UNC13A: variants seen among roughly 807,000 people sequenced by gnomAD.
UNC13A encodes the protein protein unc-13 homolog A.
UNC13A carries 61 observed loss-of-function variants against 219.7 expected under a neutral mutation model. The observed-to-expected ratio is 0.28, with a 90% CI of 0.23 to 0.34. The LOEUF (loss-of-function observed/expected upper bound fraction) is 0.34, where lower values mean the gene tolerates loss of function less well. Ranked by LOEUF, UNC13A falls within the 10% of genes least tolerant of loss-of-function variation. UNC13A has a pLI of 1.00. For synonymous variants in UNC13A, 920 were observed against 884.6 expected (o/e 1.04, Z -0.71); for missense variants, 1,476 against 2,270.3 (o/e 0.65, Z 7.11).
chr19:17,645,880 C>A, intron 18 of UNC13A, 37 bp from the exon 19 acceptor site: 1 of 1,587,552 alleles, frequency 6.3e-7, no homozygotes, highest in Non-Finnish European at 8.6e-7. Context: ...AGGGGTCAGG[C>A]AGCCAGTGTG....
chr19:17,682,497 C>A (rs1421848531), intron 1 of UNC13A, among the ~76,000 whole-genome samples: 2 of 152,168 alleles, frequency 1.3e-5, no homozygotes, highest in African/African-American at 2.4e-5. Context: ...CTTATTGGCA[C>A]CTTGCAGAAG....
At chr19:17,639,689 C>G (rs2076947188) in intron 23 of UNC13A, 151 bp downstream of exon 23, 1 of 1,127,102 alleles carries the variant, frequency 8.9e-7, no homozygotes, top group Middle Eastern at 2.9e-4. Context: ...CACATTACGG[C>G]AGGTAGTGCC....
At chr19:17,683,089 G>A (rs1292184013) in intron 1 of UNC13A, among the ~76,000 whole-genome samples, 1 of 151,996 alleles carries the variant, frequency 6.6e-6, no homozygotes, top group East Asian at 1.9e-4. Flanking sequence ...ATAGAAAGAA[G>A]AAGGCAATCC....
Position 17,606,320 on chromosome 19 carries a change from C to T in UNC13A, c.4846G>A (p.Glu1616Lys). ...LSADAGPECY[E>K]LQVCVKDYCF... The stretch of plus-strand genomic sequence containing the variant: ...TAGTCCTTGACGCACACCTGCAGCT[C>T]ATAGCACTCGGGACCCGCGTCGGCG... Residue 1616 changes from glutamate (E) to lysine (K), a missense_variant, in exon 44 of 44, where the codon GAG becomes AAG. Physicochemically the swap from Glu to Lys is moderately conservative, Grantham distance 56 (BLOSUM62 1). Around this residue, in one of 14 missense-constraint regions of UNC13A, gnomAD observed 187 missense variants for 172.3 expected, o/e 1.09. Coordinates refer to ENST00000519716, the MANE Select transcript of UNC13A (RefSeq NM_001080421.3). 2 of 1,548,970 alleles carry T rather than the reference C, an allele frequency of 1.3e-6. No individual in the cohort carries two copies. The highest frequency in any genetic ancestry group is 1.7e-6 in the Non-Finnish European group (2 of 1,147,756).
intron 11 of UNC13A, among the ~76,000 whole-genome samples, chr19:17,655,040 G>A (rs1017500067): frequency 9.2e-5 from 14 of 152,166 alleles, no homozygotes; most frequent in African/African-American, 1.4e-4. Context: ...GTGGGGCATC[G>A]GTGACATTGG....
intron 17 of UNC13A, among the ~76,000 whole-genome samples, chr19:17,646,941 C>T (rs2077033632): frequency 6.6e-6 from 1 of 152,202 alleles, no homozygotes; most frequent in Non-Finnish European, 1.5e-5. Flanking sequence ...CTTCAGGACT[C>T]CTTCCATCCC....
intron 26 of UNC13A, among the ~76,000 whole-genome samples, chr19:17,634,100 G>T (rs571150265): frequency 2.8e-4 from 43 of 151,258 alleles, no homozygotes; most frequent in Non-Finnish European, 2.1e-4. Context: ...TGTCCATCCA[G>T]CCACCTACCC....
At chr19:17,669,286 G>C (rs755878933) in intron 5 of UNC13A, among the ~76,000 whole-genome samples, 1 of 152,164 alleles carries the variant, frequency 6.6e-6, no homozygotes, top group Non-Finnish European at 1.5e-5. Flanking sequence ...GAACAGCCAG[G>C]ATAGCTCAAC....
chr19:17,659,975 A>C (rs1273600186), intron 8 of UNC13A, among the ~76,000 whole-genome samples: 1 of 152,166 alleles, frequency 6.6e-6, no homozygotes, highest in African/African-American at 2.4e-5. Flanking sequence ...AACTCACTGA[A>C]ACCTCGACCT....
chr19:17,641,149 G>T (rs949604702), intron 21 of UNC13A, among the ~76,000 whole-genome samples: 1 of 151,976 alleles, frequency 6.6e-6, no homozygotes, highest in African/African-American at 2.4e-5. Context: ...TAAAATGCTG[G>T]GATTACAGGC....
At position 17,669,624 on chromosome 19, in the gene UNC13A, C is replaced by T. The variant is rs554232319; in HGVS notation, c.323G>A (p.Ser108Asn). 4 of 1,613,286 alleles carry T rather than the reference C, an allele frequency of 2.5e-6. No homozygotes were observed. In the South Asian group the frequency reaches 3.3e-5, roughly 13 times the overall value. ...TLDSQVIMAD[S>N]EICGTKDPTF... is the part of the protein sequence containing the mutation. The stretch of plus-strand genomic sequence containing the variant: ...GGGGTCCTTGGTGCCACAGATCTCA[C>T]TGTCTGCCATGATGACCTGGGAGTC... The change falls in exon 5 of 44, where the codon AGT becomes AAT. Residue 108 changes from serine (S) to asparagine (N), a missense_variant. By Grantham distance (46) the Ser-to-Asn change is conservative. Transcript: ENST00000519716.
rs1030895746 is a variant in UNC13A at position 17,668,170 on chromosome 19, G to A, written c.415C>T (p.Arg139Cys). The change falls in exon 6 of 44, where the codon CGC becomes TGC. Residue 139 changes from arginine (R) to cysteine (C), a missense_variant. Arg to Cys is a radical substitution (Grantham distance 180). Coordinates refer to ENST00000519716, the MANE Select transcript of UNC13A (RefSeq NM_001080421.3). ...TGCTCCAGCTTCTTGGCCCAGTAGC[G>A]AGCCTCCTCTTCAGGAATGTCTGCA... The part of the protein sequence containing the change: ...LPLDIPEEEA[R>C]YWAKKLEQLN... The A allele has an allele frequency of 1.4e-5, 23 of 1,613,632 alleles. No homozygotes were observed. The highest frequency in any genetic ancestry group is 1.3e-4 in the East Asian group (6 of 44,868).
chr19:17,640,544 A>T lies in UNC13A; in HGVS notation c.2754T>A (p.Ser918=), dbSNP rs2076957495. 3 of 1,554,176 alleles carry T rather than the reference A, an allele frequency of 1.9e-6. No homozygotes were observed. Among genetic ancestry groups the T allele is most frequent in the Non-Finnish European group, 1.7e-6 (2 of 1,149,442 alleles). Residue 918 remains serine, a synonymous_variant, in exon 22 of 44, where the codon TCT becomes TCA. Transcript: ENST00000519716. ...YAHTTASTNV[S]ASDRFAASNF... Reference sequence around the variant, plus strand: ...TGGAGGCGGCGAAGCGGTCGGAGGCAGACACGTTGGTGGAGGCGGTGGTGT... The same window carrying T: ...TGGAGGCGGCGAAGCGGTCGGAGGCTGACACGTTGGTGGAGGCGGTGGTGT...
intron 8 of UNC13A, among the ~76,000 whole-genome samples, chr19:17,662,339 G>A (rs2079565435): frequency 6.6e-6 from 1 of 152,008 alleles, no homozygotes; most frequent in Admixed American, 6.6e-5. Flanking sequence ...AGAATCTAAT[G>A]CCTGATGATC....
Position 17,618,420 on chromosome 19 carries a change from C to T in UNC13A, c.4410+1G>A. 6.3e-7 allele frequency: 1 copy of T among 1,575,292 alleles called. No individual in the cohort carries two copies. ...GGATGGGGAGGGGTAGGGCCTCTCA[C>T]CTTGATGGTGTCCAGGGCCAACTCA... is the stretch of plus-strand genomic sequence containing the variant. On this transcript the variant is annotated splice_donor_variant, in intron 40 of 43. Transcript: ENST00000519716. LOFTEE classifies it high-confidence loss of function.
At chr19:17,638,755 G>C (rs900501091) in intron 25 of UNC13A, among the ~76,000 whole-genome samples, 3 of 151,776 alleles carry the variant, frequency 2.0e-5, no homozygotes, top group African/African-American at 7.3e-5. Context: ...TTTAAACCTG[G>C]GAGGCAGAGG....
In UNC13A at chr19:17,630,714, C is replaced by T; in HGVS notation, c.3465G>A (p.Glu1155=). The change falls in exon 29 of 44, where the codon GAG becomes GAA. Residue 1155 remains glutamate, a synonymous_variant. Transcript: ENST00000519716. ...GGAAATCCCGGGACACCTCCTCATT[C>T]TCATCCAGCCACTGGATGACGAAGG... ...FEPFVIQWLD[E]NEEVSRDFLH... 6.2e-7 allele frequency: 1 copy of T among 1,613,890 alleles called. No homozygotes were observed. The highest frequency in any genetic ancestry group is 1.3e-5 in the African/African-American group (1 of 75,020).
intron 1 of UNC13A, among the ~76,000 whole-genome samples, chr19:17,680,690 T>G (rs970997374): frequency 6.6e-6 from 1 of 151,958 alleles, no homozygotes; most frequent in African/African-American, 2.4e-5. Flanking sequence ...TCTTCCCTCC[T>G]CTTCCTCCCT....
Position 17,642,950 on chromosome 19 carries a change from A to G in UNC13A, c.2367T>C (p.Thr789=), listed in dbSNP as rs2076986227. ...MDVWYNLDKR[T]DKSAVSGAIR... ...TGGCACCCGACACGGCAGATTTGTCAGTTCGCTTGTCTGCAGGGCAGAAAA... is the reference window on the plus strand; with the variant it reads ...TGGCACCCGACACGGCAGATTTGTCGGTTCGCTTGTCTGCAGGGCAGAAAA... Residue 789 remains threonine, a synonymous_variant, in exon 20 of 44, where the codon ACT becomes ACC. Transcript: ENST00000519716. 6.2e-7 allele frequency: 1 copy of G among 1,606,572 alleles called. No individual in the cohort carries two copies. Among genetic ancestry groups the G allele is most frequent in the East Asian group, 2.2e-5 (1 of 44,688 alleles).
Sources: allele counts gnomAD v4.1 joint callset (sites outside exome capture counted in the v4.1 genomes callset), GRCh38; gene constraint gnomAD v4.1.1; regional missense constraint gnomAD v4.1.1; transcripts MANE v1.5; gene names NCBI Gene and HGNC (gene_info 2026-07-23, HGNC 2026-07-21).